The following SLC22A3 variants were observed in gnomAD, a reference collection of about 807,000 sequenced individuals.
SLC22A3 encodes the protein EMT organic cation transporter 3.
SLC22A3 carries 51 observed loss-of-function variants against 59.1 expected under a neutral mutation model. The ratio of observed to expected loss-of-function variants is 0.86; its 90% CI spans 0.69 to 1.09. The LOEUF (loss-of-function observed/expected upper bound fraction) is 1.09. Among genes scored for constraint, SLC22A3 ranks in the 50% least tolerant of loss-of-function variants. The pLI is 0.00. For synonymous variants in SLC22A3, 325 were observed against 292.0 expected, an observed-to-expected ratio of 1.11 and a Z score of -1.15; for missense variants, 711 against 726.3, an observed-to-expected ratio of 0.98 and a Z score of 0.24.
intron 1 of SLC22A3, among the ~76,000 whole-genome samples, chr6:160,363,540 G>A (rs529956610): frequency 1.3e-5 from 2 of 152,288 alleles, no homozygotes; most frequent in Admixed American, 6.5e-5. Flanking sequence ...GGCTCTGAAC[G>A]CTGGATGGGG....
chr6:160,376,548 C>T (rs1785602379), intron 1 of SLC22A3, among the ~76,000 whole-genome samples: 1 of 152,128 alleles, frequency 6.6e-6, no homozygotes, highest in African/African-American at 2.4e-5. Flanking sequence ...TGAATTTTAG[C>T]CACTAGATTT....
intron 9 of SLC22A3, among the ~76,000 whole-genome samples, chr6:160,445,390 C>T (rs1192137281): frequency 6.6e-6 from 1 of 152,108 alleles, no homozygotes; most frequent in Non-Finnish European, 1.5e-5. Context: ...GGACTGGATC[C>T]GGAAGGGCCT....
chr6:160,434,321 C>G (rs1788261080), intron 5 of SLC22A3, among the ~76,000 whole-genome samples: 1 of 152,156 alleles, frequency 6.6e-6, no homozygotes, highest in Non-Finnish European at 1.5e-5. Context: ...CATCAACTAT[C>G]AAGAATGTTT....
intron 1 of SLC22A3, among the ~76,000 whole-genome samples, chr6:160,373,070 G>A (rs754094130): frequency 3.9e-5 from 6 of 152,100 alleles, no homozygotes; most frequent in Admixed American, 6.5e-5. Context: ...GTGATCCCTT[G>A]GCGAGAAGCA....
rs2665350 is a variant in SLC22A3 at position 160,391,244 on chromosome 6, C to T, written c.430-6735C>T. Among the ~76,000 whole-genome samples the T allele has an allele frequency of 5.2e-3, 796 of 152,224 alleles. 12 individuals are homozygous for T. In the East Asian group the frequency reaches 0.062, roughly 12 times the overall value. On this transcript the variant is annotated intron_variant, in intron 1 of 10. Coordinates refer to ENST00000275300, the MANE Select transcript of SLC22A3 (RefSeq NM_021977.4). ...TACGCTGAAATTAACTATCTTCCAG[C>T]AGGTAAATAGTTGATAACCTCTATA... is the stretch of plus-strand genomic sequence containing the variant.
chr6:160,377,233 C>G (rs968072939), intron 1 of SLC22A3, among the ~76,000 whole-genome samples: 1 of 152,156 alleles, frequency 6.6e-6, no homozygotes, highest in African/African-American at 2.4e-5. Flanking sequence ...ACCTGTAATT[C>G]CAGCACTCTG....
intron 1 of SLC22A3, among the ~76,000 whole-genome samples, chr6:160,353,983 G>A (rs1784746026): frequency 6.6e-6 from 1 of 152,160 alleles, no homozygotes; most frequent in South Asian, 2.1e-4. Context: ...AGAGCTTTGA[G>A]CTCTCCAGGG....
intron 2 of SLC22A3, among the ~76,000 whole-genome samples, chr6:160,405,993 T>C (rs1786999180): frequency 6.6e-6 from 1 of 152,144 alleles, no homozygotes; most frequent in Non-Finnish European, 1.5e-5. Context: ...GATACTTTAA[T>C]GGTGGATACG....
At chr6:160,425,060 C>A (rs934079616) in intron 5 of SLC22A3, among the ~76,000 whole-genome samples, 4 of 152,132 alleles carry the variant, frequency 2.6e-5, no homozygotes, top group Non-Finnish European at 5.9e-5. Context: ...TTTTTGATGT[C>A]AACTAAGTGA....
intron 5 of SLC22A3, among the ~76,000 whole-genome samples, chr6:160,433,187 A>G (rs950401894): frequency 2.6e-5 from 4 of 152,192 alleles, no homozygotes; most frequent in African/African-American, 4.8e-5. Flanking sequence ...ACGTTCGCCA[A>G]CCTCTAGGTT....
At chr6:160,409,569 T>C (rs976820121) in intron 4 of SLC22A3, among the ~76,000 whole-genome samples, 8 of 151,472 alleles carry the variant, frequency 5.3e-5, no homozygotes, top group Admixed American at 2.0e-4. Flanking sequence ...ATGGTATTTC[T>C]AGTTCTAGAT....
chr6:160,447,298 A>G (rs1788781081), intron 9 of SLC22A3, among the ~76,000 whole-genome samples: 1 of 152,190 alleles, frequency 6.6e-6, no homozygotes, highest in African/African-American at 2.4e-5. Flanking sequence ...AGACACCAGG[A>G]CAAGCTTTCC....
intron 1 of SLC22A3, among the ~76,000 whole-genome samples, chr6:160,370,416 G>T (rs534214488): frequency 6.6e-6 from 1 of 152,176 alleles, no homozygotes; most frequent in Non-Finnish European, 1.5e-5. Flanking sequence ...GGGTATCCAC[G>T]TGAATGTCTC....
At chr6:160,359,191 A>G (rs899079935) in intron 1 of SLC22A3, among the ~76,000 whole-genome samples, 1 of 152,178 alleles carries the variant, frequency 6.6e-6, no homozygotes, top group Non-Finnish European at 1.5e-5. Flanking sequence ...TCTGACCTCA[A>G]AGAAAATACT....
At chr6:160,430,496 T>C (rs548717807) in intron 5 of SLC22A3, among the ~76,000 whole-genome samples, 1 of 152,268 alleles carries the variant, frequency 6.6e-6, no homozygotes, top group South Asian at 2.1e-4. Flanking sequence ...CCAGGAAGAA[T>C]TGCAAAGAGA....
chr6:160,447,332 G>A (rs140412572), intron 9 of SLC22A3, among the ~76,000 whole-genome samples: 37 of 152,242 alleles, frequency 2.4e-4, no homozygotes, highest in Middle Eastern at 3.4e-3. Flanking sequence ...AGGAGGAATC[G>A]GAGGGAGAGG....
At chr6:160,362,797 C>A (rs1363175676) in intron 1 of SLC22A3, among the ~76,000 whole-genome samples, 1 of 152,234 alleles carries the variant, frequency 6.6e-6, no homozygotes, top group Non-Finnish European at 1.5e-5. Flanking sequence ...GCGCGTTAGG[C>A]TGCCCCCGGG....
chr6:160,395,239 GA>G (rs1264324768), intron 1 of SLC22A3, among the ~76,000 whole-genome samples: 1 of 152,188 alleles, frequency 6.6e-6, no homozygotes, highest in African/African-American at 2.4e-5. Context: ...TTATATTAAA[GA>G]ATATTTTATG....
At chr6:160,424,302 G>A (rs928229260) in intron 5 of SLC22A3, among the ~76,000 whole-genome samples, 1 of 152,166 alleles carries the variant, frequency 6.6e-6, no homozygotes, top group Non-Finnish European at 1.5e-5. Context: ...ATTAAATACA[G>A]TTAGAATTAA....
Sources: allele counts gnomAD v4.1 joint callset (sites outside exome capture counted in the v4.1 genomes callset), GRCh38; gene constraint gnomAD v4.1.1; transcripts MANE v1.5; gene names NCBI Gene and HGNC (gene_info 2026-07-23, HGNC 2026-07-21).